Variants in UVRAG observed in about 807,000 individuals in gnomAD.
UVRAG encodes UV radiation resistance-associated gene protein.
Under a neutral mutation model 78.0 loss-of-function variants are expected in UVRAG, and 19 were observed. That is an observed-to-expected ratio of 0.24 (90% CI 0.17 to 0.36). The LOEUF (loss-of-function observed/expected upper bound fraction) is 0.36, where lower values mean the gene tolerates loss of function less well. Ranked by LOEUF, UVRAG falls within the 10% of genes least tolerant of loss-of-function variation. The pLI is 1.00. For synonymous variants in UVRAG, 323 were observed against 324.6 expected (o/e 1.00, Z 0.05); for missense variants, 740 against 853.8 (o/e 0.87, Z 1.66).
intron 6 of UVRAG, among the ~76,000 whole-genome samples, chr11:75,951,262 A>G (rs1394999093): frequency 2.0e-5 from 3 of 151,952 alleles, no homozygotes; most frequent in African/African-American, 7.3e-5. Context: ...ATTTGTTGAC[A>G]AAGTTTTTCT....
At chr11:75,960,080 A>G (rs1948881150) in intron 6 of UVRAG, among the ~76,000 whole-genome samples, 1 of 152,228 alleles carries the variant, frequency 6.6e-6, no homozygotes, top group African/African-American at 2.4e-5. Context: ...TAATAATGAT[A>G]AAGTTTGAGA....
At chr11:76,098,678 T>A (rs1223516074) in intron 13 of UVRAG, among the ~76,000 whole-genome samples, 2 of 152,142 alleles carry the variant, frequency 1.3e-5, no homozygotes, top group Admixed American at 1.3e-4. Flanking sequence ...TGCTCAAAGA[T>A]GAATAGCACA....
intron 13 of UVRAG, among the ~76,000 whole-genome samples, chr11:76,073,714 G>C (rs1232430933): frequency 6.6e-6 from 1 of 152,152 alleles, no homozygotes; most frequent in Non-Finnish European, 1.5e-5. Context: ...TAATGTAAAA[G>C]AGTATGAAAA....
intron 13 of UVRAG, among the ~76,000 whole-genome samples, chr11:76,097,358 C>T (rs1304185575): frequency 6.6e-6 from 1 of 152,164 alleles, no homozygotes; most frequent in Non-Finnish European, 1.5e-5. Context: ...CACGTTCTCT[C>T]GTGCTTCTGG....
At chr11:75,923,109 A>G (rs1948015843) in intron 6 of UVRAG, among the ~76,000 whole-genome samples, 1 of 149,702 alleles carries the variant, frequency 6.7e-6, no homozygotes, top group Admixed American at 6.7e-5. Flanking sequence ...ATCTTGACTC[A>G]CTGCAACCTC....
intron 5 of UVRAG, among the ~76,000 whole-genome samples, chr11:75,897,871 A>AT (rs146122619): frequency 0.82 from 88,975 of 108,956 alleles, 37,708 homozygotes; most frequent in Middle Eastern, 0.92. Context: ...TAGCTCTTTA[A>AT]TTTTTTTTTT....
Position 76,028,585 on chromosome 11 carries a change from C to CAT in UVRAG, c.1226+11605_1226+11606insAT, listed in dbSNP as rs150288315. Among the ~76,000 whole-genome samples the CAT allele has an allele frequency of 9.0e-3, 1,367 of 152,208 alleles. 19 individuals carry two copies. Among genetic ancestry groups the CAT allele is most frequent in the African/African-American group, 0.031 (1,302 of 41,542 alleles). ...TACAAATGATAAGAAAGTGAAAAGACTTATTGCTGATATGGATAGAGTTTT... is the reference window on the plus strand; with the variant it reads ...TACAAATGATAAGAAAGTGAAAAGACATTTATTGCTGATATGGATAGAGTTTT... On this transcript the variant is annotated intron_variant, in intron 12 of 14. Transcript: ENST00000356136.
intron 3 of UVRAG, among the ~76,000 whole-genome samples, chr11:75,876,916 T>C (rs1160346755): frequency 4.6e-5 from 7 of 151,628 alleles, no homozygotes; most frequent in South Asian, 4.2e-4. Flanking sequence ...GGCAGGGTCA[T>C]GGGACAATAG....
At chr11:76,031,239 G>T (rs140567964) in intron 12 of UVRAG, among the ~76,000 whole-genome samples, 279 of 152,278 alleles carry the variant, frequency 1.8e-3, no homozygotes, top group African/African-American at 6.5e-3. Context: ...CACTGATGGG[G>T]TTATGTTCAG....
At chr11:76,020,724 C>T (rs1422602690) in intron 12 of UVRAG, among the ~76,000 whole-genome samples, 2 of 138,450 alleles carry the variant, frequency 1.4e-5, no homozygotes, top group Admixed American at 7.7e-5. Context: ...CAAGAACTTC[C>T]TTAGCCACCC....
chr11:76,027,521 T>C (rs1180502832), intron 12 of UVRAG, among the ~76,000 whole-genome samples: 1 of 152,118 alleles, frequency 6.6e-6, no homozygotes, highest in Non-Finnish European at 1.5e-5. Context: ...TGGGGTCATG[T>C]TGGCTTCTCT....
intron 14 of UVRAG, among the ~76,000 whole-genome samples, chr11:76,125,411 G>C (rs1952366317): frequency 1.3e-5 from 2 of 152,170 alleles, no homozygotes; most frequent in Admixed American, 6.5e-5. Context: ...TATTTTAAAA[G>C]ACCTTAGGGG....
intron 1 of UVRAG, among the ~76,000 whole-genome samples, chr11:75,849,923 A>G (rs1242221793): frequency 1.3e-5 from 2 of 152,280 alleles, no homozygotes; most frequent in Non-Finnish European, 2.9e-5. Context: ...ATGAAAGTAC[A>G]TTCAGCAAGG....
chr11:75,987,217 A>G (rs1949516963), intron 8 of UVRAG, among the ~76,000 whole-genome samples: 1 of 152,202 alleles, frequency 6.6e-6, no homozygotes, highest in South Asian at 2.1e-4. Flanking sequence ...ATTCCTACCA[A>G]CAATATATGA....
chr11:75,891,018 G>T (rs1237473093), intron 5 of UVRAG, among the ~76,000 whole-genome samples: 3 of 152,012 alleles, frequency 2.0e-5, no homozygotes, highest in African/African-American at 7.3e-5. Flanking sequence ...ATTGCCCATT[G>T]GATTTAGCAA....
intron 13 of UVRAG, among the ~76,000 whole-genome samples, chr11:76,082,163 T>A (rs927560670): frequency 6.6e-6 from 1 of 151,980 alleles, no homozygotes; most frequent in Non-Finnish European, 1.5e-5. Flanking sequence ...AACACAGGGG[T>A]TTGCTTTATA....
intron 9 of UVRAG, among the ~76,000 whole-genome samples, 159 bp downstream of exon 9, chr11:76,004,248 A>G (rs1949880361): frequency 6.6e-6 from 1 of 152,200 alleles, no homozygotes; most frequent in Non-Finnish European, 1.5e-5. Context: ...TTAAGCACCT[A>G]CTGTGTGTCA....
chr11:76,128,037 A>G (rs538104797), intron 14 of UVRAG, among the ~76,000 whole-genome samples: 1 of 152,166 alleles, frequency 6.6e-6, no homozygotes, highest in Non-Finnish European at 1.5e-5. Context: ...TACAAAAGCC[A>G]CTGAGATAGG....
At chr11:75,981,211 A>C (rs1018878958) in intron 7 of UVRAG, among the ~76,000 whole-genome samples, 19 of 152,048 alleles carry the variant, frequency 1.2e-4, no homozygotes, top group African/African-American at 4.6e-4. Context: ...TCCCAGGTTC[A>C]AGCGATTTTT....
Sources: gnomAD v4.1 joint callset for allele counts (sites outside exome capture counted in the v4.1 genomes callset) on GRCh38, gnomAD v4.1.1 for gene constraint, MANE v1.5 for transcripts, NCBI Gene and HGNC (gene_info 2026-07-23, HGNC 2026-07-21) for gene names.